The following DOCK2 variants were observed in gnomAD, a reference collection of about 807,000 sequenced individuals.
The protein encoded by DOCK2 is dedicator of cytokinesis protein 2.
Under a neutral mutation model 248.9 loss-of-function variants are expected in DOCK2, and 87 were observed. The ratio of observed to expected loss-of-function variants is 0.35; its 90% confidence interval spans 0.29 to 0.42. DOCK2 has a LOEUF of 0.42. Ranked by LOEUF, DOCK2 falls within the 10% of genes least tolerant of loss-of-function variation. The pLI is 1.00. For synonymous variants in DOCK2, 805 were observed against 821.6 expected (o/e 0.98, Z 0.35); for missense variants, 1,747 against 2,300.2 (o/e 0.76, Z 4.92).
intron 26 of DOCK2, among the ~76,000 whole-genome samples, chr5:169,812,193 A>G (rs1479078200): frequency 6.6e-6 from 1 of 152,222 alleles, no homozygotes; most frequent in African/African-American, 2.4e-5. Context: ...GGCTTGCATT[A>G]CTGCCTGAGC....
chr5:169,648,783 T>C (rs1163796062), intron 1 of DOCK2, among the ~76,000 whole-genome samples: 3 of 152,138 alleles, frequency 2.0e-5, no homozygotes, highest in Non-Finnish European at 4.4e-5. Context: ...CTTGGAATAG[T>C]GTCTGGTATG....
chr5:169,915,557 AACACACAC>A lies in DOCK2; in HGVS notation c.2800-67473_2800-67466del, dbSNP rs56728646. Among the ~76,000 whole-genome samples, 1,328 of 143,284 alleles carry A rather than the reference AACACACAC, an allele frequency of 9.3e-3. 11 individuals carry two copies. The highest frequency in any genetic ancestry group is 0.01 in the South Asian group (43 of 4,300). The allele number at this position is 143,284 out of a possible 152,430, so 94.0% of individuals were successfully genotyped here. On this transcript the variant is annotated intron_variant, in intron 27 of 51. Transcript: ENST00000520908. ...GAAAATATTTGAGGAATTGACAGGGAACACACACACACACACACACACACACACACACA... is the reference window on the plus strand; with the variant it reads ...GAAAATATTTGAGGAATTGACAGGGAACACACACACACACACACACACACA...
chr5:170,050,227 A>G lies in DOCK2; in HGVS notation c.4072-29A>G, dbSNP rs779541271. 4 of 1,610,274 alleles carry G rather than the reference A, an allele frequency of 2.5e-6. No homozygotes were observed. The African/African-American group carries it at 4.0e-5, about 16-fold the overall frequency. ...CCCTTTCTTCACACCTGGGTCCCCA[A>G]ATCTCTAATGAGCATCCTTTCTCTG... On this transcript the variant is annotated intron_variant, in intron 40 of 51. Coordinates refer to ENST00000520908, the MANE Select transcript of DOCK2 (RefSeq NM_004946.3).
At chr5:169,832,392 C>T (rs1006265409) in intron 26 of DOCK2, among the ~76,000 whole-genome samples, 1 of 152,206 alleles carries the variant, frequency 6.6e-6, no homozygotes, top group Non-Finnish European at 1.5e-5. Flanking sequence ...CCGCCTGGCA[C>T]ATGGGGTGGG....
chr5:169,932,398 C>T (rs890769365), intron 27 of DOCK2, among the ~76,000 whole-genome samples: 9 of 152,100 alleles, frequency 5.9e-5, no homozygotes, highest in African/African-American at 2.2e-4. Context: ...AGGTAGGTGA[C>T]ATGAAGTAGG....
intron 25 of DOCK2, among the ~76,000 whole-genome samples, chr5:169,762,136 G>C (rs183335365): frequency 6.6e-6 from 1 of 152,102 alleles, no homozygotes; most frequent in African/African-American, 2.4e-5. Context: ...AAAATGAAAA[G>C]GTATGAAAGG....
chr5:169,810,790 A>C (rs945270261), intron 26 of DOCK2, among the ~76,000 whole-genome samples: 1 of 152,116 alleles, frequency 6.6e-6, no homozygotes, highest in Non-Finnish European at 1.5e-5. Flanking sequence ...ATCTGGGCCT[A>C]GTGCAGGAGC....
Position 169,914,510 on chromosome 5 carries a change from C to A in DOCK2, c.2800-68558C>A, listed in dbSNP as rs577024845. On this transcript the variant is annotated intron_variant, in intron 27 of 51. Transcript: ENST00000520908. ...TATTGGAGAACTCTGAACTTGGATT[C>A]AAAAGACCAAGGCTAAATCAGAATG... Among the ~76,000 whole-genome samples the A allele has an allele frequency of 1.8e-4, 28 of 152,314 alleles. No individual in the cohort carries two copies. The South Asian group carries it at 5.4e-3, about 29-fold the overall frequency.
chr5:169,660,356 CAAAT>C (rs1024866143), intron 2 of DOCK2, among the ~76,000 whole-genome samples: 10 of 152,068 alleles, frequency 6.6e-5, no homozygotes, highest in African/African-American at 2.2e-4. Flanking sequence ...AATAAACAAA[CAAAT>C]AAAATCAGAG....
At chr5:169,689,224 T>C (rs771072400) in intron 8 of DOCK2, 28 bp from the exon 9 acceptor site, 2 of 1,609,190 alleles carry the variant, frequency 1.2e-6, no homozygotes, top group Non-Finnish European at 8.5e-7. Context: ...CCCTTGGCAG[T>C]AACGGGCTGC....
chr5:169,836,948 C>A (rs1388684513), intron 26 of DOCK2, among the ~76,000 whole-genome samples: 1 of 151,940 alleles, frequency 6.6e-6, no homozygotes, highest in Non-Finnish European at 1.5e-5. Context: ...TTCTAGAAAC[C>A]CTACAGGAGA....
Position 170,034,559 on chromosome 5 carries a change from C to T in DOCK2, c.3624+4C>T, listed in dbSNP as rs558014983. 9.9e-6 allele frequency: 16 copies of T among 1,613,906 alleles called. No homozygotes were observed. The highest frequency in any genetic ancestry group is 2.2e-5 in the South Asian group (2 of 91,066). ...GAGCTGCACCGTGAACCTGCTGGTG[C>T]GTGGGGCTGGCGGGTCCAAGTCAGA... On this transcript the variant is annotated splice_donor_region_variant and intron_variant, in intron 35 of 51. Coordinates refer to ENST00000520908, the MANE Select transcript of DOCK2 (RefSeq NM_004946.3).
chr5:169,899,754 G>A (rs1233934622), intron 27 of DOCK2, among the ~76,000 whole-genome samples: 3 of 152,158 alleles, frequency 2.0e-5, no homozygotes, highest in African/African-American at 7.2e-5. Context: ...TACAAAGACT[G>A]CATAACACAT....
chr5:169,755,489 TC>T (rs2113718262), intron 23 of DOCK2, among the ~76,000 whole-genome samples: 1 of 152,246 alleles, frequency 6.6e-6, no homozygotes, highest in African/African-American at 2.4e-5. Flanking sequence ...CAGCCTGTAA[TC>T]CCAGCACTTT....
At chr5:170,075,451 G>T (rs752396442) in intron 46 of DOCK2, 76 of 153,872 alleles carry the variant, frequency 4.9e-4, no homozygotes, top group Non-Finnish European at 1.0e-3. Flanking sequence ...GCAGCTGTAT[G>T]AAGTGCAATT....
intron 27 of DOCK2, among the ~76,000 whole-genome samples, chr5:169,943,079 C>T (rs563739577): frequency 2.4e-4 from 37 of 152,174 alleles, no homozygotes; most frequent in African/African-American, 4.6e-4. Context: ...GTCTTTGGAA[C>T]GCTCTGCAGC....
intron 26 of DOCK2, among the ~76,000 whole-genome samples, chr5:169,823,416 T>G (rs1458052428): frequency 6.6e-6 from 1 of 152,066 alleles, no homozygotes; most frequent in African/African-American, 2.4e-5. Context: ...AAAAAGCTTA[T>G]CCACCGTGAT....
At chr5:170,055,561 G>GC in intron 42 of DOCK2, among the ~76,000 whole-genome samples, 175 bp downstream of exon 42, 1 of 152,370 alleles carries the variant, frequency 6.6e-6, no homozygotes, top group East Asian at 1.9e-4. Flanking sequence ...GCTGGGCTCT[G>GC]CCCCTGACAA....
intron 41 of DOCK2, among the ~76,000 whole-genome samples, chr5:170,054,708 G>T (rs1457063233): frequency 6.6e-6 from 1 of 152,202 alleles, no homozygotes; most frequent in African/African-American, 2.4e-5. Context: ...GGACTCAGTT[G>T]GTTCTCAGAT....
Sources: gnomAD v4.1 joint callset for allele counts (sites outside exome capture counted in the v4.1 genomes callset) on GRCh38, gnomAD v4.1.1 for gene constraint, MANE v1.5 for transcripts, NCBI Gene and HGNC (gene_info 2026-07-23, HGNC 2026-07-21) for gene names.